Variants in ERC1 observed in about 807,000 individuals in gnomAD.
The protein encoded by ERC1 is RAB6 interacting protein 2.
ERC1 carries 56 observed loss-of-function variants against 132.0 expected under a neutral mutation model. That is an observed-to-expected ratio of 0.42 (90% CI 0.34 to 0.53). ERC1 has a LOEUF of 0.53. Ranked by LOEUF, ERC1 falls within the 20% of genes least tolerant of loss-of-function variation. The pLI, the probability that ERC1 is intolerant of heterozygous loss-of-function variation, is 0.03. For synonymous variants in ERC1, 478 were observed against 476.1 expected, an observed-to-expected ratio of 1.00 and a Z score of -0.05; for missense variants, 1,202 against 1,349.9, an observed-to-expected ratio of 0.89 and a Z score of 1.72.
At chr12:1,475,423 A>G (rs148298034) in intron 18 of ERC1, among the ~76,000 whole-genome samples, 1 of 152,362 alleles carries the variant, frequency 6.6e-6, no homozygotes, top group Non-Finnish European at 1.5e-5. Context: ...AATTAAACAT[A>G]AAACCAACTA....
At chr12:1,422,450 T>A (rs547153286) in intron 17 of ERC1, among the ~76,000 whole-genome samples, 1 of 152,198 alleles carries the variant, frequency 6.6e-6, no homozygotes, top group Non-Finnish European at 1.5e-5. Context: ...AGTATGGTAT[T>A]TATCTCTCTG....
At chr12:1,466,321 G>C (rs2093742671) in intron 18 of ERC1, among the ~76,000 whole-genome samples, 1 of 152,052 alleles carries the variant, frequency 6.6e-6, no homozygotes, top group Non-Finnish European at 1.5e-5. Context: ...ATTTCCTCCT[G>C]TTACAAAGAT....
chr12:1,327,886 G>C (rs2082569998), intron 15 of ERC1, among the ~76,000 whole-genome samples: 1 of 151,412 alleles, frequency 6.6e-6, no homozygotes, highest in Admixed American at 6.6e-5. Context: ...TCATCATCAA[G>C]AAATGTCGTT....
intron 15 of ERC1, among the ~76,000 whole-genome samples, chr12:1,310,823 C>T (rs1008863253): frequency 2.5e-4 from 38 of 152,358 alleles, no homozygotes; most frequent in African/African-American, 8.7e-4. Flanking sequence ...TTTATATTTG[C>T]AGCCAAGTAG....
At chr12:1,366,112 T>C (rs1428751963) in intron 15 of ERC1, among the ~76,000 whole-genome samples, 3 of 152,174 alleles carry the variant, frequency 2.0e-5, no homozygotes, top group African/African-American at 7.2e-5. Flanking sequence ...CTTTGTAAGA[T>C]GAAGAGAGTT....
chr12:1,352,656 C>T (rs554723171), intron 15 of ERC1, among the ~76,000 whole-genome samples: 329 of 150,862 alleles, frequency 2.2e-3, no homozygotes, highest in Non-Finnish European at 3.7e-3. Flanking sequence ...GACCTTCGGT[C>T]TGAGCTCTTA....
chr12:1,160,746 CCTT>C (rs1417730407), intron 8 of ERC1, among the ~76,000 whole-genome samples: 2 of 152,032 alleles, frequency 1.3e-5, no homozygotes, highest in East Asian at 3.9e-4. Context: ...CTGTAAAATT[CCTT>C]CTTCTTTAAA....
intron 12 of ERC1, among the ~76,000 whole-genome samples, chr12:1,215,522 G>A (rs1249759120): frequency 5.9e-5 from 9 of 152,030 alleles, no homozygotes. Context: ...ATTTTTTACA[G>A]TATTACAATT....
intron 7 of ERC1, among the ~76,000 whole-genome samples, chr12:1,136,812 T>A (rs545749720): frequency 6.6e-6 from 1 of 151,928 alleles, no homozygotes. Flanking sequence ...TTCCTAGATA[T>A]CCATGCATTT....
At chr12:1,275,820 A>C (rs948564968) in intron 14 of ERC1, among the ~76,000 whole-genome samples, 1 of 152,180 alleles carries the variant, frequency 6.6e-6, no homozygotes, top group Non-Finnish European at 1.5e-5. Context: ...TGATGCCCGC[A>C]TCTGCTTCTG....
intron 17 of ERC1, among the ~76,000 whole-genome samples, chr12:1,423,741 G>A (rs1403592694): frequency 6.6e-6 from 1 of 152,114 alleles, no homozygotes; most frequent in African/African-American, 2.4e-5. Flanking sequence ...GTTTTACATT[G>A]TATTTTGAAG....
intron 14 of ERC1, among the ~76,000 whole-genome samples, chr12:1,273,870 G>A (rs528490079): frequency 6.6e-6 from 1 of 152,146 alleles, no homozygotes; most frequent in African/African-American, 2.4e-5. Context: ...TGTGACACTA[G>A]GATATTCAAA....
At chr12:1,365,426 C>G (rs1665793351) in intron 15 of ERC1, among the ~76,000 whole-genome samples, 1 of 152,102 alleles carries the variant, frequency 6.6e-6, no homozygotes, top group African/African-American at 2.4e-5. Flanking sequence ...GAAGTGAAGT[C>G]AGAATCAGAG....
intron 1 of ERC1, among the ~76,000 whole-genome samples, chr12:1,000,120 CT>C (rs1961907677): frequency 6.6e-6 from 1 of 152,024 alleles, no homozygotes; most frequent in South Asian, 2.1e-4. Flanking sequence ...TGTGACAGCC[CT>C]TTTGTATATA....
At chr12:1,447,799 G>A (rs1305472982) in intron 18 of ERC1, among the ~76,000 whole-genome samples, 3 of 151,744 alleles carry the variant, frequency 2.0e-5, no homozygotes, top group South Asian at 2.1e-4. Flanking sequence ...ACAGGCGCGC[G>A]CCACCGTGCC....
chr12:1,163,552 C>T (rs1445714410), intron 8 of ERC1, among the ~76,000 whole-genome samples: 8 of 152,110 alleles, frequency 5.3e-5, no homozygotes, highest in Admixed American at 5.2e-4. Context: ...ATTTGTGAAT[C>T]AGGAATTCCA....
intron 12 of ERC1, among the ~76,000 whole-genome samples, chr12:1,211,885 C>T (rs78051722): frequency 6.6e-6 from 1 of 152,030 alleles, no homozygotes; most frequent in African/African-American, 2.4e-5. Context: ...CAGTTCTATA[C>T]AATGTGTTGT....
chr12:1,070,667 C>G (rs1220709079), intron 2 of ERC1, among the ~76,000 whole-genome samples: 5 of 152,030 alleles, frequency 3.3e-5, no homozygotes, highest in Admixed American at 6.6e-5. Flanking sequence ...CTTTTTAAAC[C>G]TTAGACCTTT....
intron 2 of ERC1, among the ~76,000 whole-genome samples, chr12:1,071,765 G>A (rs1216634724): frequency 6.6e-6 from 1 of 152,042 alleles, no homozygotes; most frequent in African/African-American, 2.4e-5. Context: ...TTTATCATTA[G>A]TACTTCCTAA....
Sources: gnomAD v4.1 joint callset for allele counts (sites outside exome capture counted in the v4.1 genomes callset) on GRCh38, gnomAD v4.1.1 for gene constraint, MANE v1.5 for transcripts, NCBI Gene and HGNC (gene_info 2026-07-23, HGNC 2026-07-21) for gene names.